CMKLR1: variants seen among roughly 807,000 people sequenced by gnomAD.
CMKLR1 encodes the protein chemerin-like receptor 1.
CMKLR1 carries 6 observed loss-of-function variants against 8.2 expected under a neutral mutation model. That is an observed-to-expected ratio of 0.73 (90% CI 0.40 to 1.44). The LOEUF (loss-of-function observed/expected upper bound fraction) is 1.44, where lower values mean the gene tolerates loss of function less well. CMKLR1 is among the 40% of genes most tolerant of loss of function. The probability of loss-of-function intolerance (pLI) is 0.02; values close to 1 mark genes in which losing one functional copy is unlikely to be tolerated. For synonymous variants in CMKLR1, 178 were observed against 181.2 expected (o/e 0.98, Z 0.14); for missense variants, 429 against 478.0 (o/e 0.90, Z 0.96).
At chr12:108,296,333 A>G (rs1321984671) in intron 2 of CMKLR1, among the ~76,000 whole-genome samples, 1 of 152,232 alleles carries the variant, frequency 6.6e-6, no homozygotes, top group East Asian at 1.9e-4. Flanking sequence ...TGTGAGGATT[A>G]AGTGCTTGGA....
intron 2 of CMKLR1, 59 bp from the exon 3 acceptor site, chr12:108,293,723 G>A (rs2137293712): frequency 2.1e-6 from 2 of 945,142 alleles, no homozygotes; most frequent in East Asian, 2.6e-5. Context: ...AGAACCAGAG[G>A]GTTGAGTGGA....
intron 1 of CMKLR1, among the ~76,000 whole-genome samples, chr12:108,338,036 C>A (rs11113826): frequency 1.3e-5 from 2 of 152,178 alleles, no homozygotes; most frequent in Non-Finnish European, 2.9e-5. Context: ...GACGTTCAGG[C>A]GTGTGACCTC....
intron 2 of CMKLR1, among the ~76,000 whole-genome samples, chr12:108,310,062 G>A (rs923219731): frequency 6.6e-6 from 1 of 152,118 alleles, no homozygotes; most frequent in African/African-American, 2.4e-5. Context: ...GGTGGCATTT[G>A]AGCTGAGCCT....
rs769110194 is a variant in CMKLR1, at chr12:108,292,967, A to G, written c.4-8T>C. ...ATCTTCATCCTCCATTCTCTGCAAG[A>G]GAAGACAGGGACCATTAGAGGAACC... On this transcript the variant is annotated splice_region_variant and splice_polypyrimidine_tract_variant and intron_variant, in intron 3 of 3. Transcript: ENST00000550402. 1.9e-6 allele frequency: 3 copies of G among 1,597,814 alleles called. No individual in the cohort carries two copies. The East Asian group carries it at 6.7e-5, about 36-fold the overall frequency.
chr12:108,327,322 T>G (rs1892001878), intron 2 of CMKLR1, among the ~76,000 whole-genome samples: 1 of 151,624 alleles, frequency 6.6e-6, no homozygotes, highest in South Asian at 2.1e-4. Context: ...TATGAAACAT[T>G]TTAAAAATTA....
At chr12:108,336,007 G>A (rs997336402) in intron 1 of CMKLR1, among the ~76,000 whole-genome samples, 6 of 152,160 alleles carry the variant, frequency 3.9e-5, no homozygotes, top group Non-Finnish European at 8.8e-5. Flanking sequence ...CTGCTGACAC[G>A]GAACATGTGG....
At chr12:108,314,274 G>A (rs1436784797) in intron 2 of CMKLR1, among the ~76,000 whole-genome samples, 1 of 152,170 alleles carries the variant, frequency 6.6e-6, no homozygotes, top group Admixed American at 6.5e-5. Context: ...ACTGACAGTG[G>A]CTGGACCATA....
At position 108,292,787 on chromosome 12, in the gene CMKLR1, C is replaced by A. The variant is rs764435421; in HGVS notation, c.176G>T (p.Gly59Val). ...GAAGGTGGCAATGATGATCACCAGACCATTGCCCAGAATCCCGAGGAAGCA... is the reference window on the plus strand; with the variant it reads ...GAAGGTGGCAATGATGATCACCAGAACATTGCCCAGAATCCCGAGGAAGCA... ...IVCFLGILGN[G>V]LVIIIATFKM... Residue 59 changes from glycine to valine, a missense_variant, in exon 4 of 4, where the codon GGT (glycine) becomes GTT (valine). Gly to Val is a moderately radical substitution (Grantham distance 109). Coordinates refer to ENST00000550402, the MANE Select transcript of CMKLR1 (RefSeq NM_001142343.2). 15 of 1,614,018 alleles carry A rather than the reference C, an allele frequency of 9.3e-6. No individual in the cohort carries two copies. The African/African-American group carries it at 1.7e-4, about 19-fold the overall frequency.
chr12:108,303,422 T>TA lies in CMKLR1; in HGVS notation c.-73-9759dup, dbSNP rs1240490925. ...ATTGGCTTAAGTTTTATTAAACAAATACACGTACAGTCCTCACTACAGTCC... is the reference window on the plus strand; with the variant it reads ...ATTGGCTTAAGTTTTATTAAACAAATAACACGTACAGTCCTCACTACAGTCC... On this transcript the variant is annotated intron_variant, in intron 2 of 3. Coordinates refer to ENST00000550402, the MANE Select transcript of CMKLR1 (RefSeq NM_001142343.2). Among the ~76,000 whole-genome samples, 6 of 152,296 alleles carry TA rather than the reference T, an allele frequency of 3.9e-5. No individual in the cohort carries two copies. The South Asian group carries it at 1.0e-3, about 26-fold the overall frequency.
In CMKLR1 at chr12:108,291,909, T is replaced by C. The variant is rs766015264; in HGVS notation, c.1054A>G (p.Ser352Gly). ...TTCATTGATGACATCTTGGTAAAGC[T>C]TCTATGGCTGGGGTAGGAAGAGTGG... is the stretch of plus-strand genomic sequence containing the variant. ...TGHSSYPSHR[S>G]FTKMSSMNER... The change falls in exon 4 of 4, where the codon AGC (serine) becomes GGC (glycine). Residue 352 changes from serine to glycine, a missense_variant. Transcript: ENST00000550402. The C allele has an allele frequency of 6.2e-7, 1 of 1,614,208 alleles. No individual in the cohort carries two copies. The highest frequency in any genetic ancestry group is 8.5e-7 in the Non-Finnish European group (1 of 1,180,032).
At chr12:108,307,574 G>A (rs889128486) in intron 2 of CMKLR1, among the ~76,000 whole-genome samples, 2 of 152,218 alleles carry the variant, frequency 1.3e-5, no homozygotes, top group African/African-American at 4.8e-5. Context: ...CCTTGTGTTT[G>A]AGTCCCATGC....
intron 2 of CMKLR1, among the ~76,000 whole-genome samples, chr12:108,303,319 T>C (rs1216805605): frequency 2.6e-5 from 4 of 152,188 alleles, no homozygotes; most frequent in Admixed American, 2.0e-4. Flanking sequence ...TGCCGGACCC[T>C]TGCTGGGAAA....
intron 2 of CMKLR1, among the ~76,000 whole-genome samples, chr12:108,326,505 C>T (rs1891985568): frequency 6.6e-6 from 1 of 152,162 alleles, no homozygotes; most frequent in Admixed American, 6.5e-5. Flanking sequence ...ACTGATGAGT[C>T]AAGCCATGGA....
intron 2 of CMKLR1, among the ~76,000 whole-genome samples, chr12:108,304,913 G>A (rs528929910): frequency 6.6e-6 from 1 of 152,354 alleles, no homozygotes; most frequent in South Asian, 2.1e-4. Flanking sequence ...GGGCCTGTGG[G>A]CGTAAGAGCC....
Position 108,290,982 on chromosome 12 carries a change from GC to G in CMKLR1, c.*858del, listed in dbSNP as rs1349252809. On this transcript the variant is annotated 3_prime_UTR_variant, in exon 4 of 4. Coordinates refer to ENST00000550402, the MANE Select transcript of CMKLR1 (RefSeq NM_001142343.2). Reference sequence around the variant, plus strand: ...AAAAAATCCCTGTGATGGGGTGAGGGCTGCTGGTGAAGATGCCTGCCACAAC... The same window carrying G: ...AAAAAATCCCTGTGATGGGGTGAGGGTGCTGGTGAAGATGCCTGCCACAAC... The G allele has an allele frequency of 6.6e-6, 1 of 152,322 alleles. No individual in the cohort carries two copies. The highest frequency in any genetic ancestry group is 1.9e-4 in the East Asian group (1 of 5,188). The allele number at this position is 152,322 out of a possible 1,614,324, so 9.4% of individuals were successfully genotyped here. A position where few individuals can be genotyped will look rare whatever the true frequency, so the allele number is the denominator to read the frequency against.
intron 2 of CMKLR1, among the ~76,000 whole-genome samples, chr12:108,329,184 G>A: frequency 6.6e-6 from 1 of 152,216 alleles, no homozygotes; most frequent in East Asian, 1.9e-4. Context: ...AAGGGTTGGA[G>A]GCAGCAGGAT....
At chr12:108,318,908 T>C (rs1054051371) in intron 2 of CMKLR1, among the ~76,000 whole-genome samples, 2 of 152,130 alleles carry the variant, frequency 1.3e-5, no homozygotes, top group African/African-American at 4.8e-5. Flanking sequence ...CACGAATTAG[T>C]CTCAGCTTTC....
At chr12:108,311,461 T>A (rs1891570906) in intron 2 of CMKLR1, among the ~76,000 whole-genome samples, 1 of 151,792 alleles carries the variant, frequency 6.6e-6, no homozygotes, top group African/African-American at 2.4e-5. Context: ...GGGGAAAAAA[T>A]TTTAATTTAA....
chr12:108,316,161 G>GTT (rs1891720569), intron 2 of CMKLR1, among the ~76,000 whole-genome samples: 1 of 152,222 alleles, frequency 6.6e-6, no homozygotes, highest in African/African-American at 2.4e-5. Flanking sequence ...ACTGCCAAGT[G>GTT]TTAAACAAAG....
Sources: allele counts gnomAD v4.1 joint callset (sites outside exome capture counted in the v4.1 genomes callset), GRCh38; gene constraint gnomAD v4.1.1; transcripts MANE v1.5; gene names NCBI Gene and HGNC (gene_info 2026-07-23, HGNC 2026-07-21).